PDE4B: variants seen among roughly 807,000 people sequenced by gnomAD.
PDE4B encodes 3',5'-cyclic-AMP phosphodiesterase 4B.
In PDE4B, 20 loss-of-function variants were observed where a neutral mutation model predicts 82.2. The observed-to-expected ratio is 0.24, with a 90% CI of 0.17 to 0.35. The LOEUF (loss-of-function observed/expected upper bound fraction) is 0.35. Among genes scored for constraint, PDE4B ranks in the 10% least tolerant of loss-of-function variants. The pLI, the probability that PDE4B is intolerant of heterozygous loss-of-function variation, is 1.00. For missense variants in PDE4B, 655 were observed against 907.2 expected, an observed-to-expected ratio of 0.72 and a Z score of 3.57; for synonymous variants, 320 against 318.9, an observed-to-expected ratio of 1.00 and a Z score of -0.04.
At chr1:65,982,197 G>A (rs965761807) in intron 3 of PDE4B, among the ~76,000 whole-genome samples, 32 of 152,168 alleles carry the variant, frequency 2.1e-4, no homozygotes, top group Non-Finnish European at 8.8e-5. Flanking sequence ...CTGGAGGAAC[G>A]GTGATCCTTA....
At position 66,363,472 on chromosome 1, in the gene PDE4B, A is replaced by G. The variant is rs932809246; in HGVS notation, c.1185A>G (p.Leu395=). Residue 395 remains leucine (L), a synonymous_variant, in exon 12 of 17, where the codon TTA becomes TTG. Coordinates refer to ENST00000341517, the MANE Select transcript of PDE4B (RefSeq NM_002600.4). The part of the protein sequence containing the change: ...SDTFITYMMT[L]EDHYHSDVAY... ...CATTTATAACCTACATGATGACTTT[A>G]GAAGACCATTACCATTCTGACGTGG... 1.9e-6 allele frequency: 3 copies of G among 1,613,658 alleles called. No individual in the cohort carries two copies. Among genetic ancestry groups the G allele is most frequent in the African/African-American group, 2.7e-5 (2 of 75,040 alleles).
At chr1:66,025,950 G>A (rs1281195258) in intron 3 of PDE4B, among the ~76,000 whole-genome samples, 1 of 152,158 alleles carries the variant, frequency 6.6e-6, no homozygotes, top group East Asian at 1.9e-4. Context: ...CAATTTTGAA[G>A]AATCTCATCA....
chr1:66,172,023 G>A (rs1646846879), intron 3 of PDE4B, among the ~76,000 whole-genome samples: 1 of 152,168 alleles, frequency 6.6e-6, no homozygotes, highest in Non-Finnish European at 1.5e-5. Context: ...ATTGTGTGAT[G>A]CTGAGGTTTG....
At chr1:66,265,251 G>A (rs1260050399) in intron 6 of PDE4B, among the ~76,000 whole-genome samples, 1 of 152,164 alleles carries the variant, frequency 6.6e-6, no homozygotes, top group Non-Finnish European at 1.5e-5. Flanking sequence ...TGAGAGCCCC[G>A]CTCAATAGTA....
At chr1:66,029,953 A>G (rs1024059434) in intron 3 of PDE4B, among the ~76,000 whole-genome samples, 1 of 152,058 alleles carries the variant, frequency 6.6e-6, no homozygotes, top group Admixed American at 6.5e-5. Context: ...TAATTTCAGA[A>G]ATCTCAGATT....
At chr1:66,183,518 A>G (rs1647116212) in intron 3 of PDE4B, among the ~76,000 whole-genome samples, 1 of 152,186 alleles carries the variant, frequency 6.6e-6, no homozygotes, top group Non-Finnish European at 1.5e-5. Context: ...ATAACTGAGT[A>G]GCTTTCATTT....
chr1:66,051,374 C>T (rs2100862178), intron 3 of PDE4B, among the ~76,000 whole-genome samples: 1 of 152,076 alleles, frequency 6.6e-6, no homozygotes, highest in African/African-American at 2.4e-5. Context: ...ATTATTGGGT[C>T]AGTATAGGAG....
intron 3 of PDE4B, among the ~76,000 whole-genome samples, chr1:66,148,044 A>G (rs1039818888): frequency 1.3e-5 from 2 of 152,056 alleles, no homozygotes; most frequent in African/African-American, 2.4e-5. Flanking sequence ...GTGGAGATAG[A>G]TGGATTCTTG....
At chr1:66,128,696 G>GT (rs1179089046) in intron 3 of PDE4B, among the ~76,000 whole-genome samples, 5 of 152,136 alleles carry the variant, frequency 3.3e-5, no homozygotes, top group African/African-American at 1.2e-4. Context: ...CCGAGACTGG[G>GT]TAATTTATAA....
At chr1:66,084,820 C>G (rs1656922194) in intron 3 of PDE4B, among the ~76,000 whole-genome samples, 1 of 152,116 alleles carries the variant, frequency 6.6e-6, no homozygotes, top group Non-Finnish European at 1.5e-5. Flanking sequence ...AAGGGATTCT[C>G]TCTGCTGGGA....
At chr1:66,063,745 T>C (rs1655699548) in intron 3 of PDE4B, among the ~76,000 whole-genome samples, 1 of 152,022 alleles carries the variant, frequency 6.6e-6, no homozygotes, top group Non-Finnish European at 1.5e-5. Flanking sequence ...TAAAATAGTT[T>C]CTTTTTTTCC....
intron 3 of PDE4B, among the ~76,000 whole-genome samples, chr1:66,007,959 C>T (rs560260843): frequency 9.9e-5 from 15 of 152,222 alleles, no homozygotes; most frequent in Non-Finnish European, 1.8e-4. Flanking sequence ...CTGACAAGGT[C>T]CATAGATACA....
At chr1:65,806,709 T>C (rs1201996110) in intron 1 of PDE4B, among the ~76,000 whole-genome samples, 1 of 152,226 alleles carries the variant, frequency 6.6e-6, no homozygotes, top group East Asian at 1.9e-4. Flanking sequence ...TAAACATGCT[T>C]GATTCCCCAC....
In PDE4B at chr1:66,227,562, A is replaced by G. The variant is rs190378609; in HGVS notation, c.282-19898A>G. On this transcript the variant is annotated intron_variant, in intron 3 of 16. Transcript: ENST00000341517. ...CTGAGATATGCCTTTTGTATATATT[A>G]CTTCACCTAGCCCTCCCACATTCCT... 4.6e-5 allele frequency among the ~76,000 whole-genome samples: 7 copies of G among 152,314 alleles called. No individual in the cohort carries two copies. In the East Asian group the frequency reaches 1.3e-3, roughly 29 times the overall value.
At chr1:66,272,325 C>T (rs559434650) in intron 7 of PDE4B, among the ~76,000 whole-genome samples, 1 of 152,304 alleles carries the variant, frequency 6.6e-6, no homozygotes, top group East Asian at 1.9e-4. Context: ...CTTGAGCAGA[C>T]AGATTTCTTC....
intron 3 of PDE4B, among the ~76,000 whole-genome samples, chr1:66,100,708 T>C (rs997498503): frequency 1.3e-5 from 2 of 152,158 alleles, no homozygotes; most frequent in African/African-American, 4.8e-5. Flanking sequence ...AGCAACATTA[T>C]TGCTGAATAA....
At chr1:66,097,695 A>G (rs1645143860) in intron 3 of PDE4B, among the ~76,000 whole-genome samples, 1 of 151,964 alleles carries the variant, frequency 6.6e-6, no homozygotes, top group African/African-American at 2.4e-5. Context: ...TCTTGAACAA[A>G]TGAAACATTT....
At chr1:66,216,356 T>G (rs1435938973) in intron 3 of PDE4B, among the ~76,000 whole-genome samples, 3 of 151,776 alleles carry the variant, frequency 2.0e-5, no homozygotes, top group Non-Finnish European at 2.9e-5. Flanking sequence ...GAATACAGTA[T>G]ATTTGAAGAA....
At chr1:66,189,606 C>T (rs1453900674) in intron 3 of PDE4B, among the ~76,000 whole-genome samples, 3 of 152,210 alleles carry the variant, frequency 2.0e-5, no homozygotes, top group African/African-American at 2.4e-5. Flanking sequence ...TTGATACCCT[C>T]TCTTCCAGTT....
Sources: gnomAD v4.1 joint callset for allele counts (sites outside exome capture counted in the v4.1 genomes callset) on GRCh38, gnomAD v4.1.1 for gene constraint, MANE v1.5 for transcripts, NCBI Gene and HGNC (gene_info 2026-07-23, HGNC 2026-07-21) for gene names.